MAP4K5: variants seen among roughly 807,000 people sequenced by gnomAD.
The protein encoded by MAP4K5 is MAPK/ERK kinase kinase kinase 5.
Under a neutral mutation model 135.6 loss-of-function variants are expected in MAP4K5, and 82 were observed. The observed-to-expected ratio is 0.60, with a 90% CI of 0.51 to 0.73. MAP4K5 has a LOEUF of 0.73. Among genes scored for constraint, MAP4K5 ranks in the 30% least tolerant of loss-of-function variants. MAP4K5 has a pLI of 0.00. For missense variants in MAP4K5, 907 were observed against 1,010.9 expected, an observed-to-expected ratio of 0.90 and a Z score of 1.39; for synonymous variants, 347 against 335.0, an observed-to-expected ratio of 1.04 and a Z score of -0.39.
chr14:50,462,225 T>C (rs911593287), intron 13 of MAP4K5, among the ~76,000 whole-genome samples: 1 of 152,206 alleles, frequency 6.6e-6, no homozygotes, highest in African/African-American at 2.4e-5. Context: ...TTAAAACCTT[T>C]ATTTCCTTGG....
chr14:50,425,177 CTAG>C (rs768484593), intron 31 of MAP4K5, among the ~76,000 whole-genome samples: 1 of 152,132 alleles, frequency 6.6e-6, no homozygotes, highest in Non-Finnish European at 1.5e-5. Flanking sequence ...ATTATCTTAG[CTAG>C]TAGGACTCAT....
At position 50,420,096 on chromosome 14, in the gene MAP4K5, A is replaced by G; in HGVS notation, c.2464T>C (p.Leu822=). The G allele has an allele frequency of 6.2e-7, 1 of 1,606,958 alleles. No homozygotes were observed. Residue 822 remains leucine (L), a synonymous_variant, in exon 33 of 33, where the codon TTG becomes CTG. Transcript: ENST00000682126. ...GGATTTTCTGTTGGCCTACTTTCCA[A>G]AACGACAACCCTGTAATTAAACCAA... The part of the protein sequence containing the change: ...RLLGSDRVVV[L]ESRPTENPTA...
chr14:50,489,766 T>C (rs1346749077), intron 3 of MAP4K5, among the ~76,000 whole-genome samples: 1 of 152,140 alleles, frequency 6.6e-6, no homozygotes, highest in African/African-American at 2.4e-5. Context: ...ATTTGATCTC[T>C]TGAAAATGTG....
intron 14 of MAP4K5, among the ~76,000 whole-genome samples, chr14:50,451,043 A>C (rs925807499): frequency 6.6e-6 from 1 of 152,182 alleles, no homozygotes; most frequent in African/African-American, 2.4e-5. Context: ...AAAGATAGAC[A>C]CAGTAAGTGA....
chr14:50,429,375 G>A, intron 28 of MAP4K5, 115 bp from the exon 29 acceptor site: 1 of 618,592 alleles, frequency 1.6e-6, no homozygotes, highest in Non-Finnish European at 2.8e-6. Flanking sequence ...ATTTAACACA[G>A]AATTTATATT....
intron 2 of MAP4K5, among the ~76,000 whole-genome samples, chr14:50,530,889 G>C (rs190044037): frequency 6.6e-6 from 1 of 152,156 alleles, no homozygotes; most frequent in Non-Finnish European, 1.5e-5. Flanking sequence ...AAAGTAAGTA[G>C]AAAGAGGGGA....
chr14:50,433,939 T>C (rs2036031646), intron 28 of MAP4K5, among the ~76,000 whole-genome samples: 1 of 152,164 alleles, frequency 6.6e-6, no homozygotes, highest in Non-Finnish European at 1.5e-5. Flanking sequence ...CTGAGATATG[T>C]CTGATTTAAA....
At chr14:50,425,224 C>G (rs1265444270) in intron 31 of MAP4K5, among the ~76,000 whole-genome samples, 7 of 152,162 alleles carry the variant, frequency 4.6e-5, no homozygotes. Flanking sequence ...CCATCTCCTG[C>G]ATGAGACGTA....
intron 2 of MAP4K5, among the ~76,000 whole-genome samples, chr14:50,515,104 A>G (rs551825469): frequency 4.3e-4 from 66 of 152,182 alleles, no homozygotes; most frequent in African/African-American, 1.5e-3. Flanking sequence ...AGGTTTCACC[A>G]TGTTGGCCAG....
chr14:50,439,905 TATTAG>T (rs2036187415), intron 23 of MAP4K5, 103 bp downstream of exon 23: 5 of 1,125,818 alleles, frequency 4.4e-6, no homozygotes, highest in African/African-American at 1.7e-5. Flanking sequence ...AGAGTTACTA[TATTAG>T]ATTATAGTCA....
intron 26 of MAP4K5, among the ~76,000 whole-genome samples, chr14:50,436,936 A>C (rs1032756756): frequency 1.3e-5 from 2 of 152,116 alleles, no homozygotes; most frequent in Non-Finnish European, 2.9e-5. Flanking sequence ...CCTGTTCTAA[A>C]CGGTAATGAT....
At chr14:50,460,264 A>G (rs1019414694) in intron 13 of MAP4K5, among the ~76,000 whole-genome samples, 1 of 152,058 alleles carries the variant, frequency 6.6e-6, no homozygotes, top group Non-Finnish European at 1.5e-5. Flanking sequence ...TTCCTTTGAG[A>G]CTATACTATG....
intron 30 of MAP4K5, among the ~76,000 whole-genome samples, chr14:50,427,340 T>C (rs1418837870): frequency 2.6e-5 from 4 of 152,160 alleles, no homozygotes; most frequent in East Asian, 1.9e-4. Flanking sequence ...AAGAAGAAAC[T>C]AGTTTCCAAA....
chr14:50,535,846 C>T (rs918057431), upstream of MAP4K5, among the ~76,000 whole-genome samples: 1 of 152,174 alleles, frequency 6.6e-6, no homozygotes, highest in East Asian at 1.9e-4. Flanking sequence ...CTTGAATTCC[C>T]ACGTGTTGTG....
chr14:50,507,947 G>A (rs1205339563), intron 2 of MAP4K5, among the ~76,000 whole-genome samples: 1 of 152,158 alleles, frequency 6.6e-6, no homozygotes, highest in Non-Finnish European at 1.5e-5. Context: ...TGACAGTAGG[G>A]TGTTAAAGTC....
intron 1 of MAP4K5, among the ~76,000 whole-genome samples, chr14:50,553,037 G>A (rs1413523414): frequency 6.6e-6 from 1 of 152,174 alleles, no homozygotes; most frequent in Non-Finnish European, 1.5e-5. Context: ...GCTCACGCCT[G>A]TAATCTCAGC....
rs375532327 is a variant in MAP4K5 at position 50,454,500 on chromosome 14, A to T, written c.1015+2016T>A. Among the ~76,000 whole-genome samples, 11 of 152,252 alleles carry T rather than the reference A, an allele frequency of 7.2e-5. No individual in the cohort carries two copies. The East Asian group carries it at 7.7e-4, about 11-fold the overall frequency. The stretch of plus-strand genomic sequence containing the variant: ...ACAGAGTAGAAATAAATAGTATAAA[A>T]TCTATCAAACCAACAAAAGCAAAGT... On this transcript the variant is annotated intron_variant, in intron 14 of 32. Transcript: ENST00000682126.
chr14:50,469,733 T>C (rs1274988237), intron 9 of MAP4K5, among the ~76,000 whole-genome samples: 3 of 152,162 alleles, frequency 2.0e-5, no homozygotes, highest in African/African-American at 7.2e-5. Flanking sequence ...AGACTGAAGT[T>C]GGAGTTACAA....
chr14:50,435,414 G>T (rs558895604), intron 26 of MAP4K5, among the ~76,000 whole-genome samples: 2 of 152,066 alleles, frequency 1.3e-5, no homozygotes, highest in Non-Finnish European at 2.9e-5. Context: ...ATTCAGGCTA[G>T]AATGCAGTGG....
Sources: allele counts gnomAD v4.1 joint callset (sites outside exome capture counted in the v4.1 genomes callset), GRCh38; gene constraint gnomAD v4.1.1; transcripts MANE v1.5; gene names NCBI Gene and HGNC (gene_info 2026-07-23, HGNC 2026-07-21).